Variants in AXDND1 observed in about 807,000 individuals in gnomAD.
AXDND1 encodes the protein axonemal dynein light chain domain containing 1.
Under a neutral mutation model 137.5 loss-of-function variants are expected in AXDND1, and 110 were observed. That is an observed-to-expected ratio of 0.80 (90% CI 0.69 to 0.94). The LOEUF (loss-of-function observed/expected upper bound fraction) is 0.94. Among genes scored for constraint, AXDND1 ranks in the 40% least tolerant of loss-of-function variants. AXDND1 has a pLI of 0.00. For synonymous variants in AXDND1, 414 were observed against 399.7 expected (o/e 1.04, Z -0.43); for missense variants, 1,191 against 1,169.8 (o/e 1.02, Z -0.26).
At chr1:179,471,823 T>C (rs1258791466) in intron 17 of AXDND1, among the ~76,000 whole-genome samples, 1 of 152,212 alleles carries the variant, frequency 6.6e-6, no homozygotes, top group Non-Finnish European at 1.5e-5. Context: ...TTTTTCTTCT[T>C]TCTTAACACA....
At chr1:179,528,960 C>T (rs1391400106) in intron 23 of AXDND1, among the ~76,000 whole-genome samples, 2 of 152,156 alleles carry the variant, frequency 1.3e-5, no homozygotes, top group Non-Finnish European at 2.9e-5. Flanking sequence ...CAGTATTTGA[C>T]TAATTGTTAA....
rs752056204 is a variant in AXDND1 at position 179,385,226 on chromosome 1, AC to A, written c.742-10del. The A allele has an allele frequency of 5.0e-6, 8 of 1,604,326 alleles. No homozygotes were observed. The East Asian group carries it at 1.8e-4, about 36-fold the overall frequency. On this transcript the variant is annotated splice_polypyrimidine_tract_variant and intron_variant, in intron 8 of 25. Coordinates refer to ENST00000367618, the MANE Select transcript of AXDND1 (RefSeq NM_144696.6). ...GTAATAAGTACTGATTATGTTACTT[AC>A]CTTCTGACAGATGCACAAACTACTA...
intron 11 of AXDND1, among the ~76,000 whole-genome samples, chr1:179,398,605 C>T (rs1651441984): frequency 6.6e-6 from 1 of 151,644 alleles, no homozygotes; most frequent in African/African-American, 2.4e-5. Flanking sequence ...TGGGGGGCCC[C>T]TGCTGGCAAC....
intron 4 of AXDND1, among the ~76,000 whole-genome samples, 166 bp from the exon 5 acceptor site, chr1:179,378,471 T>C (rs371847416): frequency 1.6e-4 from 25 of 152,270 alleles, no homozygotes; most frequent in African/African-American, 5.1e-4. Flanking sequence ...GTGGGGGAAC[T>C]CATGTTTAAT....
chr1:179,368,107 G>T (rs1037353646), intron 2 of AXDND1, among the ~76,000 whole-genome samples: 1 of 152,048 alleles, frequency 6.6e-6, no homozygotes, highest in Non-Finnish European at 1.5e-5. Context: ...CATGTTACAG[G>T]CATAGATTAA....
chr1:179,492,460 C>T (rs1030214100), intron 19 of AXDND1, among the ~76,000 whole-genome samples: 2 of 150,688 alleles, frequency 1.3e-5, no homozygotes, highest in East Asian at 3.9e-4. Flanking sequence ...CAACAACCCA[C>T]AAACCCTTAT....
At chr1:179,511,130 G>A (rs1343352186) in intron 21 of AXDND1, among the ~76,000 whole-genome samples, 3 of 151,662 alleles carry the variant, frequency 2.0e-5, no homozygotes, top group East Asian at 3.9e-4. Flanking sequence ...TCACGCCACT[G>A]CATTCCAGCC....
At chr1:179,411,317 A>G (rs1653830495) in intron 12 of AXDND1, 51 bp downstream of exon 12, 4 of 1,582,432 alleles carry the variant, frequency 2.5e-6, no homozygotes, top group East Asian at 2.3e-5. Flanking sequence ...CTAAAGATTC[A>G]TTCTACAGTT....
At chr1:179,435,709 C>T (rs529626962) in intron 15 of AXDND1, among the ~76,000 whole-genome samples, 1 of 152,132 alleles carries the variant, frequency 6.6e-6, no homozygotes, top group Admixed American at 6.6e-5. Flanking sequence ...GGATTAAAGA[C>T]TTTAAAATCC....
Position 179,367,092 on chromosome 1 carries a change from G to A in AXDND1, c.97+486G>A, listed in dbSNP as rs536006765. 1.1e-4 allele frequency among the ~76,000 whole-genome samples: 17 copies of A among 151,998 alleles called. No homozygotes were observed. The South Asian group carries it at 3.5e-3, about 32-fold the overall frequency. On this transcript the variant is annotated intron_variant, in intron 2 of 25. Transcript: ENST00000367618. ...AAAAATTAGCCGGGCATGGTGGCTCGCGCCTGTAGTCCCAGCTTACTCTGG... is the reference window on the plus strand; with the variant it reads ...AAAAATTAGCCGGGCATGGTGGCTCACGCCTGTAGTCCCAGCTTACTCTGG...
chr1:179,498,610 C>G (rs941757362), intron 20 of AXDND1, among the ~76,000 whole-genome samples: 1 of 151,948 alleles, frequency 6.6e-6, no homozygotes, highest in African/African-American at 2.4e-5. Flanking sequence ...AACATCTGCA[C>G]AGAAAGGAAA....
intron 17 of AXDND1, among the ~76,000 whole-genome samples, chr1:179,480,945 A>T (rs1399629944): frequency 6.7e-6 from 1 of 149,874 alleles, no homozygotes; most frequent in Non-Finnish European, 1.5e-5. Flanking sequence ...ATTTATTTTT[A>T]TTTAAAATAA....
At position 179,392,390 on chromosome 1, in the gene AXDND1, G is replaced by A. The variant is rs1202107624; in HGVS notation, c.864-1513G>A. 2.0e-5 allele frequency among the ~76,000 whole-genome samples: 3 copies of A among 152,230 alleles called. No homozygotes were observed. In the East Asian group the frequency reaches 5.8e-4, roughly 29 times the overall value. On this transcript the variant is annotated intron_variant, in intron 9 of 25. Transcript: ENST00000367618. ...CACTCATTGCTTGATGGACATTTAG[G>A]TTGGTTCCATATTTTTGCAGTTGCA... is the stretch of plus-strand genomic sequence containing the variant.
intron 15 of AXDND1, 75 bp downstream of exon 15, chr1:179,432,417 G>A: frequency 7.1e-7 from 1 of 1,415,704 alleles, no homozygotes; most frequent in East Asian, 2.7e-5. Context: ...TACAACTGAG[G>A]CACATCCCAT....
intron 17 of AXDND1, among the ~76,000 whole-genome samples, chr1:179,470,238 T>A (rs1663756633): frequency 6.6e-6 from 1 of 152,184 alleles, no homozygotes; most frequent in Non-Finnish European, 1.5e-5. Flanking sequence ...TGAAAAGGAA[T>A]GGGAAATGTG....
chr1:179,441,093 G>C (rs1410947513), intron 15 of AXDND1, among the ~76,000 whole-genome samples: 1 of 152,204 alleles, frequency 6.6e-6, no homozygotes, highest in African/African-American at 2.4e-5. Flanking sequence ...TTGAGGTCTG[G>C]ACTAGGAATA....
chr1:179,375,524 G>A (rs1322886673), intron 4 of AXDND1, among the ~76,000 whole-genome samples: 2 of 150,288 alleles, frequency 1.3e-5, no homozygotes, highest in African/African-American at 4.9e-5. Context: ...GTATACATAT[G>A]CATTATATAT....
intron 2 of AXDND1, 21 bp from the exon 3 acceptor site, chr1:179,368,779 T>C: frequency 6.3e-7 from 1 of 1,579,174 alleles, no homozygotes; most frequent in South Asian, 1.2e-5. Context: ...TAAGAGTTTT[T>C]CTTTTCCACT....
chr1:179,472,881 T>G (rs148289441), intron 17 of AXDND1, among the ~76,000 whole-genome samples: 389 of 152,320 alleles, frequency 2.6e-3, no homozygotes, highest in African/African-American at 8.7e-3. Flanking sequence ...TTGCTTTTAA[T>G]GTATTTGTAT....
Sources: allele counts gnomAD v4.1 joint callset (sites outside exome capture counted in the v4.1 genomes callset), GRCh38; gene constraint gnomAD v4.1.1; transcripts MANE v1.5; gene names NCBI Gene and HGNC (gene_info 2026-07-23, HGNC 2026-07-21).